The following TTBK2 variants were observed in gnomAD, a reference collection of about 807,000 sequenced individuals.
TTBK2 encodes the protein tau tubulin kinase 2.
TTBK2 carries 28 observed loss-of-function variants against 110.8 expected under a neutral mutation model. The ratio of observed to expected loss-of-function variants is 0.25; its 90% CI spans 0.19 to 0.35. The LOEUF (loss-of-function observed/expected upper bound fraction) is 0.35. TTBK2 is among the 10% of genes least tolerant of loss of function. The pLI is 1.00. For synonymous variants in TTBK2, 532 were observed against 527.3 expected (o/e 1.01, Z -0.12); for missense variants, 1,369 against 1,500.3 (o/e 0.91, Z 1.45).
chr15:42,781,049 C>T (rs1036918768), intron 11 of TTBK2, among the ~76,000 whole-genome samples: 4 of 151,934 alleles, frequency 2.6e-5, no homozygotes, highest in Admixed American at 2.6e-4. Flanking sequence ...TAAGATTGTC[C>T]ACTTATACTC....
At chr15:42,757,590 G>A (rs8027319) in intron 13 of TTBK2, among the ~76,000 whole-genome samples, 4,044 of 152,228 alleles carry the variant, frequency 0.027, 145 homozygotes, top group East Asian at 0.081. Context: ...AATAAAAGGA[G>A]AAAACCTAGG....
intron 13 of TTBK2, among the ~76,000 whole-genome samples, chr15:42,767,872 C>T (rs997725684): frequency 6.0e-4 from 92 of 152,188 alleles, no homozygotes; most frequent in African/African-American, 1.8e-3. Context: ...AATAAAATAC[C>T]GGCAAACCGA....
At chr15:42,873,461 A>C (rs952948953) in intron 2 of TTBK2, among the ~76,000 whole-genome samples, 1 of 151,934 alleles carries the variant, frequency 6.6e-6, no homozygotes. Flanking sequence ...AAAACACTAC[A>C]AAATCACCCA....
At chr15:42,807,591 T>TTTATTG (rs1555426570) in intron 9 of TTBK2, among the ~76,000 whole-genome samples, 1 of 150,630 alleles carries the variant, frequency 6.6e-6, no homozygotes, top group African/African-American at 2.5e-5. Context: ...TTTGTTGTTT[T>TTTATTG]TTGTTGTTGT....
intron 13 of TTBK2, among the ~76,000 whole-genome samples, chr15:42,773,668 G>A (rs1041218379): frequency 1.3e-5 from 2 of 152,064 alleles, no homozygotes; most frequent in Non-Finnish European, 2.9e-5. Flanking sequence ...CATGAAGGGA[G>A]GCACACCAGA....
At chr15:42,825,625 G>C (rs1892496176) in intron 6 of TTBK2, among the ~76,000 whole-genome samples, 2 of 152,214 alleles carry the variant, frequency 1.3e-5, no homozygotes, top group African/African-American at 4.8e-5. Context: ...TGAGGCAAGA[G>C]AATCACTTGA....
At chr15:42,886,070 A>AT (rs1443074009) in intron 1 of TTBK2, among the ~76,000 whole-genome samples, 1 of 152,078 alleles carries the variant, frequency 6.6e-6, no homozygotes, top group East Asian at 1.9e-4. Flanking sequence ...TTTGTTCCCA[A>AT]TGAGACTCAT....
intron 1 of TTBK2, among the ~76,000 whole-genome samples, chr15:42,896,989 C>A (rs556615639): frequency 3.7e-4 from 57 of 152,080 alleles, no homozygotes; most frequent in African/African-American, 1.3e-3. Flanking sequence ...AGCGATTCTC[C>A]TGCCTCAGCC....
chr15:42,754,446 A>G (rs2061914197), intron 13 of TTBK2, among the ~76,000 whole-genome samples: 1 of 151,210 alleles, frequency 6.6e-6, no homozygotes, highest in Admixed American at 6.6e-5. Flanking sequence ...CCCAGGCTGG[A>G]GTGCAATGGT....
chr15:42,756,176 G>C (rs929445855), intron 13 of TTBK2, among the ~76,000 whole-genome samples: 3 of 151,122 alleles, frequency 2.0e-5, no homozygotes, highest in Non-Finnish European at 4.4e-5. Flanking sequence ...CAGCCTGTGT[G>C]ACAGAGCCAG....
intron 1 of TTBK2, among the ~76,000 whole-genome samples, chr15:42,882,776 A>G (rs1307195090): frequency 1.3e-5 from 2 of 152,202 alleles, no homozygotes; most frequent in Non-Finnish European, 2.9e-5. Context: ...CTGTCAACCC[A>G]CAATTCTATA....
At chr15:42,902,014 G>A (rs957320537) in intron 1 of TTBK2, among the ~76,000 whole-genome samples, 1 of 151,950 alleles carries the variant, frequency 6.6e-6, no homozygotes, top group Admixed American at 6.6e-5. Context: ...TCAGGAGTTC[G>A]AGACCATCCT....
chr15:42,858,531 T>TA (rs954288882), intron 3 of TTBK2, among the ~76,000 whole-genome samples: 7 of 152,268 alleles, frequency 4.6e-5, no homozygotes, highest in African/African-American at 1.2e-4. Context: ...TTTTTCATAA[T>TA]AAAAAATTAG....
At chr15:42,893,227 T>G (rs1051738144) in intron 1 of TTBK2, among the ~76,000 whole-genome samples, 1 of 152,116 alleles carries the variant, frequency 6.6e-6, no homozygotes, top group African/African-American at 2.4e-5. Flanking sequence ...CCAGGTGCAG[T>G]GACTTAGGCC....
At chr15:42,776,535 T>C (rs1467580284) in intron 12 of TTBK2, among the ~76,000 whole-genome samples, 1 of 152,248 alleles carries the variant, frequency 6.6e-6, no homozygotes, top group African/African-American at 2.4e-5. Context: ...AAGCATGATA[T>C]ACTTATTGGT....
rs954418581 is a variant in TTBK2, at chr15:42,744,113, T to C, written c.*1682A>G. The stretch of plus-strand genomic sequence containing the variant: ...CTTTAGATAAACAGCAAGTATGTCT[T>C]ATCTATTGCATTCCTCTGGAGTGTT... On this transcript the variant is annotated 3_prime_UTR_variant, in exon 15 of 15. Transcript: ENST00000267890. 5.9e-5 allele frequency: 9 copies of C among 152,230 alleles called. No homozygotes were observed. The highest frequency in any genetic ancestry group is 2.2e-4 in the African/African-American group (9 of 41,458). 9.4% of individuals were successfully genotyped at this position (152,230 alleles called of 1,614,324 possible). A position where few individuals can be genotyped will look rare whatever the true frequency, so the allele number is the denominator to read the frequency against.
chr15:42,745,580 CTTCTTG>C lies in TTBK2; in HGVS notation c.*209_*214del. ...CCCTTGGATTTTTGCTCTATTTTTC[CTTCTTG>C]TACAAAGACATTGATTCCTAATCTA... On this transcript the variant is annotated 3_prime_UTR_variant, in exon 15 of 15. Coordinates refer to ENST00000267890, the MANE Select transcript of TTBK2 (RefSeq NM_173500.4). 1 of 613,220 alleles carries C rather than the reference CTTCTTG, an allele frequency of 1.6e-6. No homozygotes were observed. The highest frequency in any genetic ancestry group is 2.8e-6 in the Non-Finnish European group (1 of 354,916). The allele number at this position is 613,220 out of a possible 1,614,324, so 38.0% of individuals were successfully genotyped here.
At chr15:42,791,506 T>G (rs1247846517) in intron 10 of TTBK2, among the ~76,000 whole-genome samples, 2 of 152,146 alleles carry the variant, frequency 1.3e-5, no homozygotes, top group Non-Finnish European at 2.9e-5. Flanking sequence ...TTCTTTGTCC[T>G]TATTCAATGA....
chr15:42,756,068 G>A (rs1397547003), intron 13 of TTBK2, among the ~76,000 whole-genome samples: 1 of 151,508 alleles, frequency 6.6e-6, no homozygotes, highest in Non-Finnish European at 1.5e-5. Flanking sequence ...ATGGTGGTGG[G>A]CGCCTGTAAT....
Sources: gnomAD v4.1 joint callset for allele counts (sites outside exome capture counted in the v4.1 genomes callset) on GRCh38, gnomAD v4.1.1 for gene constraint, MANE v1.5 for transcripts, NCBI Gene and HGNC (gene_info 2026-07-23, HGNC 2026-07-21) for gene names.